Variants in LARGE1 observed in about 807,000 individuals in gnomAD.
The protein encoded by LARGE1 is LARGE xylosyl- and glucuronyltransferase 1.
A neutral mutation model predicts 87.6 loss-of-function variants in LARGE1; 43 were observed. The observed-to-expected ratio is 0.49, with a 90% CI of 0.38 to 0.63. LARGE1 has a LOEUF of 0.63. Among genes scored for constraint, LARGE1 ranks in the 30% least tolerant of loss-of-function variants. The probability of loss-of-function intolerance (pLI) is 0.00; values close to 1 mark genes in which losing one functional copy is unlikely to be tolerated. For missense variants in LARGE1, 802 were observed against 1,000.2 expected, an observed-to-expected ratio of 0.80 and a Z score of 2.67; for synonymous variants, 434 against 394.6, an observed-to-expected ratio of 1.10 and a Z score of -1.18.
chr22:33,278,115 T>C (rs1003244070), intron 13 of LARGE1, among the ~76,000 whole-genome samples: 3 of 152,210 alleles, frequency 2.0e-5, no homozygotes, highest in Non-Finnish European at 2.9e-5. Context: ...GATTGAATCA[T>C]GTGACCCTTT....
intron 2 of LARGE1, among the ~76,000 whole-genome samples, chr22:33,695,863 C>T (rs190880482): frequency 6.6e-6 from 1 of 152,278 alleles, no homozygotes; most frequent in Admixed American, 6.5e-5. Context: ...GAGGAAGTTC[C>T]CTCAAGCTCC....
chr22:33,849,416 G>A (rs1405645235), intron 1 of LARGE1, among the ~76,000 whole-genome samples: 1 of 151,908 alleles, frequency 6.6e-6, no homozygotes, highest in Non-Finnish European at 1.5e-5. Flanking sequence ...AATGCTATAG[G>A]GTGAGGGCAG....
intron 9 of LARGE1, among the ~76,000 whole-genome samples, chr22:33,343,117 T>TTTTGTTTG (rs755111975): frequency 3.3e-5 from 5 of 152,200 alleles, no homozygotes; most frequent in East Asian, 3.9e-4. Flanking sequence ...GGCTGGTGTT[T>TTTTGTTTG]TTTGTTTGTT....
chr22:33,915,644 T>G (rs2065765214), intron 1 of LARGE1, among the ~76,000 whole-genome samples: 1 of 152,082 alleles, frequency 6.6e-6, no homozygotes, highest in African/African-American at 2.4e-5. Context: ...AAGAAAAAAT[T>G]TTCTGTTTTT....
intron 6 of LARGE1, among the ~76,000 whole-genome samples, chr22:33,551,704 T>C (rs1037005682): frequency 6.6e-6 from 1 of 152,218 alleles, no homozygotes; most frequent in South Asian, 2.1e-4. Context: ...CTCACCCTCT[T>C]TGTCCAGAAT....
At chr22:33,689,379 G>C (rs148134129) in intron 2 of LARGE1, among the ~76,000 whole-genome samples, 149 of 152,290 alleles carry the variant, frequency 9.8e-4, no homozygotes, top group African/African-American at 3.4e-3. Flanking sequence ...CACTTCCAGG[G>C]CTTGGTTTGG....
At chr22:33,093,050 C>G in the LARGE1 span, among the ~76,000 whole-genome samples, 1 of 152,044 alleles carries the variant, frequency 6.6e-6, no homozygotes, top group Non-Finnish European at 1.5e-5. Context: ...AATCGCCACA[C>G]TGTCTTCCAC....
intron 7 of LARGE1, among the ~76,000 whole-genome samples, chr22:33,427,152 C>T (rs1020710134): frequency 6.6e-6 from 1 of 152,204 alleles, no homozygotes; most frequent in African/African-American, 2.4e-5. Context: ...AAGTCCTGCT[C>T]ACAGCTGAAT....
intron 9 of LARGE1, among the ~76,000 whole-genome samples, chr22:33,367,529 C>T (rs1018576098): frequency 3.1e-4 from 47 of 152,118 alleles, no homozygotes; most frequent in African/African-American, 1.1e-3. Flanking sequence ...GTAATCCTGC[C>T]TCAGCCTCTC....
intron 11 of LARGE1, among the ~76,000 whole-genome samples, chr22:33,196,489 T>C (rs1446848825): frequency 6.6e-6 from 1 of 152,100 alleles, no homozygotes; most frequent in African/African-American, 2.4e-5. Context: ...CTATTAAAAA[T>C]AAAATTTGTA....
intron 3 of LARGE1, among the ~76,000 whole-genome samples, chr22:33,636,713 G>T (rs891219947): frequency 6.6e-6 from 1 of 150,664 alleles, no homozygotes; most frequent in South Asian, 2.1e-4. Context: ...TTTTTTTTTT[G>T]GAGAGATGGG....
intron 5 of LARGE1, among the ~76,000 whole-genome samples, chr22:33,571,704 C>T (rs1398151938): frequency 6.6e-6 from 1 of 152,116 alleles, no homozygotes; most frequent in African/African-American, 2.4e-5. Flanking sequence ...CCTATTGAAA[C>T]TCCTCCTACC....
At chr22:33,669,973 G>T (rs1421414608) in intron 2 of LARGE1, among the ~76,000 whole-genome samples, 1 of 152,190 alleles carries the variant, frequency 6.6e-6, no homozygotes, top group Non-Finnish European at 1.5e-5. Flanking sequence ...GAGTGCCGTT[G>T]TGTGTAACCA....
chr22:33,793,802 T>C lies in LARGE1; in HGVS notation c.-82-32244A>G, dbSNP rs138747911. 8.6e-5 allele frequency among the ~76,000 whole-genome samples: 13 copies of C among 151,050 alleles called. No individual in the cohort carries two copies. In the East Asian group the frequency reaches 2.5e-3, roughly 30 times the overall value. ...GCACCCCCCAACTTTTTTTTTTTCA[T>C]AAGAATCTGTCCTCTTATTGCCTCT... On this transcript the variant is annotated intron_variant, in intron 1 of 14. Transcript: ENST00000397394.
rs1333711494 is a variant in LARGE1, at chr22:33,881,342, C to T, written c.-83+38653G>A. Among the ~76,000 whole-genome samples the T allele has an allele frequency of 2.6e-5, 4 of 152,354 alleles. No homozygotes were observed. The East Asian group carries it at 7.7e-4, about 29-fold the overall frequency. On this transcript the variant is annotated intron_variant, in intron 1 of 14. Coordinates refer to ENST00000397394, the MANE Select transcript of LARGE1 (RefSeq NM_133642.5). ...CACTAAATCCCCCAGGCGAAGTCAC[C>T]TCCAGCTCTCCAAATGAGCAGCTGG... is the stretch of plus-strand genomic sequence containing the variant.
At chr22:33,416,644 C>T (rs751216860) in intron 7 of LARGE1, among the ~76,000 whole-genome samples, 15 of 152,186 alleles carry the variant, frequency 9.9e-5, no homozygotes, top group Admixed American at 2.0e-4. Context: ...CGCATTGTCG[C>T]CCAGCCTGGA....
intron 2 of LARGE1, among the ~76,000 whole-genome samples, chr22:33,699,938 A>C (rs1040883339): frequency 1.3e-5 from 2 of 152,148 alleles, no homozygotes; most frequent in African/African-American, 4.8e-5. Flanking sequence ...ATTTCTCTGT[A>C]TTTAATTCCC....
At chr22:33,717,072 T>C (rs2082933749) in intron 2 of LARGE1, among the ~76,000 whole-genome samples, 1 of 152,230 alleles carries the variant, frequency 6.6e-6, no homozygotes, top group African/African-American at 2.4e-5. Context: ...CTTCACTGTA[T>C]ATGTTGTACT....
intron 6 of LARGE1, among the ~76,000 whole-genome samples, chr22:33,555,497 A>C (rs2077649049): frequency 6.6e-6 from 1 of 152,158 alleles, no homozygotes; most frequent in African/African-American, 2.4e-5. Flanking sequence ...CCTTGCTGAG[A>C]AGCTCAGGTT....
Sources: gnomAD v4.1 joint callset for allele counts (sites outside exome capture counted in the v4.1 genomes callset) on GRCh38, gnomAD v4.1.1 for gene constraint, MANE v1.5 for transcripts, NCBI Gene and HGNC (gene_info 2026-07-23, HGNC 2026-07-21) for gene names.